Variants in CSGALNACT1 observed in about 807,000 individuals in gnomAD.
CSGALNACT1 encodes beta4GalNAcT-1.
Under a neutral mutation model 51.0 loss-of-function variants are expected in CSGALNACT1, and 52 were observed. That is an observed-to-expected ratio of 1.02 (90% CI 0.82 to 1.29). The LOEUF (loss-of-function observed/expected upper bound fraction) is 1.29. Ranked by LOEUF, CSGALNACT1 falls within the 50% of genes most tolerant of loss-of-function variation. CSGALNACT1 has a pLI of 0.00. For synonymous variants in CSGALNACT1, 341 were observed against 254.4 expected (o/e 1.34, Z -3.24); for missense variants, 935 against 679.2 (o/e 1.38, Z -4.19).
intron 6 of CSGALNACT1, among the ~76,000 whole-genome samples, chr8:19,428,825 A>ATGTGTGTGTG (rs59241616): frequency 7.7e-4 from 110 of 143,460 alleles, no homozygotes; most frequent in African/African-American, 1.2e-3. Flanking sequence ...AAGACATGAT[A>ATGTGTGTGTG]TGTGTGTGTG....
intron 8 of CSGALNACT1, among the ~76,000 whole-genome samples, chr8:19,411,373 C>G (rs2055690326): frequency 6.6e-6 from 1 of 152,190 alleles, no homozygotes; most frequent in South Asian, 2.1e-4. Flanking sequence ...AGGGCTTGTT[C>G]TTGTTCACGA....
chr8:19,666,829 GAGAGAAAGAA>G lies in CSGALNACT1; in HGVS notation c.-544+15634_-544+15643del, dbSNP rs1453473067. Among the ~76,000 whole-genome samples the G allele has an allele frequency of 3.1e-3, 109 of 34,900 alleles. 3 individuals are homozygous for G. The highest frequency in any genetic ancestry group is 0.012 in the African/African-American group (83 of 6,940). The allele number at this position is 34,900 out of a possible 152,430, so 22.9% of individuals were successfully genotyped here. A position where few individuals can be genotyped will look rare whatever the true frequency, so the allele number is the denominator to read the frequency against. ...AAAGAAAGAGAGAGAGAGAGAGAGA[GAGAGAAAGAA>G]AGAAAGAAAGAAAGAAAGAAAGAAA... On this transcript the variant is annotated intron_variant, in intron 1 of 9. Coordinates refer to the CSGALNACT1 transcript ENST00000332246.
intron 1 of CSGALNACT1, among the ~76,000 whole-genome samples, chr8:19,747,309 G>T (rs982180683): frequency 1.3e-5 from 2 of 151,774 alleles, no homozygotes; most frequent in Admixed American, 6.6e-5. Flanking sequence ...AACACCAAAC[G>T]TGAAGATACT....
intron 3 of CSGALNACT1, among the ~76,000 whole-genome samples, chr8:19,543,664 T>C (rs1342499548): frequency 6.6e-6 from 1 of 152,198 alleles, no homozygotes; most frequent in Non-Finnish European, 1.5e-5. Flanking sequence ...AGGTGCACTC[T>C]TTATGTAGCC....
intron 2 of CSGALNACT1, among the ~76,000 whole-genome samples, chr8:19,593,913 C>T (rs568087153): frequency 5.3e-4 from 80 of 152,276 alleles, no homozygotes; most frequent in African/African-American, 1.9e-3. Context: ...AATTTTCCTT[C>T]CCTGTCTCTC....
chr8:19,406,065 C>G lies in CSGALNACT1; in HGVS notation c.1314G>C (p.Gly438=), dbSNP rs1273671060. The G allele has an allele frequency of 3.1e-6, 5 of 1,614,118 alleles. No homozygotes were observed. The highest frequency in any genetic ancestry group is 1.1e-5 in the South Asian group (1 of 91,080). ...CCCAGCCTTTGATGTCCAGATCAAA[C>G]CCACCTGTCGGGACAGAACACACTG... Residue 438 remains glycine, a synonymous_variant, in exon 10 of 10, where the codon GGG becomes GGC. Coordinates refer to ENST00000454498, the Ensembl canonical transcript of CSGALNACT1.
chr8:19,489,784 C>A (rs1034346499), intron 4 of CSGALNACT1, among the ~76,000 whole-genome samples: 1 of 152,124 alleles, frequency 6.6e-6, no homozygotes, highest in African/African-American at 2.4e-5. Flanking sequence ...CTGTGTGTCT[C>A]CAATTTTAAA....
chr8:19,498,056 C>A (rs1183944580), intron 4 of CSGALNACT1, among the ~76,000 whole-genome samples: 2 of 152,168 alleles, frequency 1.3e-5, no homozygotes, highest in African/African-American at 4.8e-5. Context: ...CCACCTTGGG[C>A]ATATGTCATC....
At chr8:19,554,705 G>A (rs1340799669) in intron 3 of CSGALNACT1, among the ~76,000 whole-genome samples, 74 of 152,042 alleles carry the variant, frequency 4.9e-4, no homozygotes. Flanking sequence ...ATCACCTGAG[G>A]TCAGGAGTTC....
intron 1 of CSGALNACT1, among the ~76,000 whole-genome samples, chr8:19,689,447 C>T (rs1318447575): frequency 6.6e-6 from 1 of 152,216 alleles, no homozygotes; most frequent in Non-Finnish European, 1.5e-5. Flanking sequence ...CCAAACCTTC[C>T]ATGCCTAGCC....
chr8:19,666,858 A>G (rs1212493277), intron 1 of CSGALNACT1, among the ~76,000 whole-genome samples: 1 of 128,724 alleles, frequency 7.8e-6, no homozygotes, highest in African/African-American at 3.6e-5. Flanking sequence ...AGAAAGAAAG[A>G]AAGAAAGAAA....
intron 4 of CSGALNACT1, among the ~76,000 whole-genome samples, chr8:19,488,207 A>G (rs2153951708): frequency 6.6e-6 from 1 of 151,826 alleles, no homozygotes; most frequent in Non-Finnish European, 1.5e-5. Flanking sequence ...AAAATTAGGC[A>G]GGTGTGGTGG....
intron 2 of CSGALNACT1, among the ~76,000 whole-genome samples, chr8:19,593,365 A>G (rs1300535248): frequency 6.6e-6 from 1 of 152,244 alleles, no homozygotes; most frequent in Non-Finnish European, 1.5e-5. Flanking sequence ...AAGGTTCACC[A>G]TATGCAAGTG....
At chr8:19,451,721 CAAG>C (rs76912952) in intron 5 of CSGALNACT1, among the ~76,000 whole-genome samples, 2,395 of 152,252 alleles carry the variant, frequency 0.016, 28 homozygotes, top group Non-Finnish European at 0.025. Context: ...TCCTTCTGTC[CAAG>C]AAGACATATT....
At chr8:19,533,827 C>T (rs768393927) in intron 3 of CSGALNACT1, among the ~76,000 whole-genome samples, 2 of 152,016 alleles carry the variant, frequency 1.3e-5, no homozygotes, top group Non-Finnish European at 2.9e-5. Context: ...CATATGCAGT[C>T]TAATTGGGAA....
In CSGALNACT1 at chr8:19,737,877, G is replaced by C. The variant is rs565925456; in HGVS notation, c.-297+19973C>G. On this transcript the variant is annotated intron_variant, in intron 1 of 1. Transcript: ENST00000517494. ...CATAAAGACAGAAAGTAGAATGCCAGGGGCTAGGAGATGGATAAACACACA... is the reference window on the plus strand; with the variant it reads ...CATAAAGACAGAAAGTAGAATGCCACGGGCTAGGAGATGGATAAACACACA... 1.3e-4 allele frequency among the ~76,000 whole-genome samples: 20 copies of C among 152,314 alleles called. No individual in the cohort carries two copies. The South Asian group carries it at 1.7e-3, about 13-fold the overall frequency.
rs377638409 is a variant in CSGALNACT1, at chr8:19,505,502, G to A, written c.333C>T (p.Ser111=). The A allele has an allele frequency of 5.0e-6, 8 of 1,613,914 alleles. No individual in the cohort carries two copies. The Middle Eastern group carries it at 6.6e-4, about 133-fold the overall frequency. The stretch of plus-strand genomic sequence containing the variant: ...GGTCGGCCTGGGTTTTCTCTGGGGG[G>A]CTCCTGTCCAGACCCAGGCCAGCAG... Residue 111 remains serine, a synonymous_variant, in exon 4 of 10, where the codon AGC becomes AGT. Coordinates refer to ENST00000454498, the Ensembl canonical transcript of CSGALNACT1.
At chr8:19,746,289 G>A (rs769693968) in intron 1 of CSGALNACT1, among the ~76,000 whole-genome samples, 5 of 152,008 alleles carry the variant, frequency 3.3e-5, no homozygotes, top group Non-Finnish European at 7.4e-5. Context: ...CAAGCACAAT[G>A]CCAGGCATAC....
chr8:19,700,234 A>T (rs1307322967), intron 1 of CSGALNACT1, among the ~76,000 whole-genome samples: 2 of 152,078 alleles, frequency 1.3e-5, no homozygotes, highest in Non-Finnish European at 2.9e-5. Context: ...TTTACTGCAG[A>T]CCTGGGCCTA....
Sources: gnomAD v4.1 joint callset for allele counts (sites outside exome capture counted in the v4.1 genomes callset) on GRCh38, gnomAD v4.1.1 for gene constraint, MANE v1.5 for transcripts, NCBI Gene and HGNC (gene_info 2026-07-23, HGNC 2026-07-21) for gene names.